Variants in TRPM2 observed in about 807,000 individuals in gnomAD.
The protein encoded by TRPM2 is transient receptor potential cation channel subfamily M member 2, also known as estrogen-responsive element-associated gene 1 protein.
A neutral mutation model predicts 174.0 loss-of-function variants in TRPM2; 161 were observed. That is an observed-to-expected ratio of 0.93 (90% CI 0.81 to 1.05). TRPM2 has a LOEUF of 1.05. Among genes scored for constraint, TRPM2 ranks in the 50% least tolerant of loss-of-function variants. The pLI is 0.00. For missense variants in TRPM2, 2,057 were observed against 2,038.0 expected, an observed-to-expected ratio of 1.01 and a Z score of -0.18; for synonymous variants, 954 against 861.3, an observed-to-expected ratio of 1.11 and a Z score of -1.88.
In TRPM2 at chr21:44,441,829, G is replaced by T. The variant is rs368244125; in HGVS notation, c.*12G>T. The T allele has an allele frequency of 2.5e-6, 4 of 1,595,268 alleles. No individual in the cohort carries two copies. The highest frequency in any genetic ancestry group is 2.6e-6 in the Non-Finnish European group (3 of 1,170,770). On this transcript the variant is annotated 3_prime_UTR_variant, in exon 32 of 32. Transcript: ENST00000397928. ...GGGCTCACTACTGACTGTGCCCTCA[G>T]GCTGGGCGGCTCCAGTCCATAGACG...
At chr21:44,425,105 C>A in intron 24 of TRPM2, 166 bp downstream of exon 24, 1 of 633,778 alleles carries the variant, frequency 1.6e-6, no homozygotes, top group Non-Finnish European at 2.7e-6. Flanking sequence ...ACTCAGCCCA[C>A]CCACCGACGC....
chr21:44,424,221 G>A (rs917148358), intron 23 of TRPM2, among the ~76,000 whole-genome samples: 1 of 152,220 alleles, frequency 6.6e-6, no homozygotes, highest in African/African-American at 2.4e-5. Flanking sequence ...GGATGGCTCA[G>A]CCACCCTGTG....
intron 28 of TRPM2, 30 bp from the exon 29 acceptor site, chr21:44,437,032 C>T (rs1314110122): frequency 1.7e-5 from 26 of 1,545,188 alleles, no homozygotes; most frequent in Non-Finnish European, 2.0e-5. Context: ...CGCAGCGGGT[C>T]CTGGGCAGCC....
chr21:44,391,354 T>A lies in TRPM2; in HGVS notation c.1523T>A (p.Val508Glu). ...EFVKLFLENG[V>E]QLKEFVTWDT... ...GTGAAGCTCTTCCTGGAGAACGGGGTGCAGCTGAAGGAGTTTGTCACCTGG... is the reference window on the plus strand; with the variant it reads ...GTGAAGCTCTTCCTGGAGAACGGGGAGCAGCTGAAGGAGTTTGTCACCTGG... The change falls in exon 11 of 32, where the codon GTG becomes GAG. Residue 508 changes from valine (V) to glutamate (E), a missense_variant. Transcript: ENST00000397928. The surrounding 1 kb of genome is among the most constrained non-coding windows in gnomAD (Gnocchi z 5.0). 1 of 1,614,116 alleles carries A rather than the reference T, an allele frequency of 6.2e-7. No individual in the cohort carries two copies. The highest frequency in any genetic ancestry group is 1.1e-5 in the South Asian group (1 of 91,086).
intron 16 of TRPM2, among the ~76,000 whole-genome samples, chr21:44,404,216 C>T (rs577797463): frequency 1.3e-5 from 2 of 151,900 alleles, no homozygotes; most frequent in South Asian, 2.1e-4. Flanking sequence ...CACAGAGACA[C>T]ACAGATACAC....
intron 4 of TRPM2, 76 bp from the exon 5 acceptor site, chr21:44,369,101 G>T: frequency 7.0e-7 from 1 of 1,418,706 alleles, no homozygotes; most frequent in Non-Finnish European, 9.3e-7. Context: ...AGCCTAGAAG[G>T]GCTCAGGCGT....
At chr21:44,357,638 C>T (rs924729312) in intron 2 of TRPM2, among the ~76,000 whole-genome samples, 2 of 152,218 alleles carry the variant, frequency 1.3e-5, no homozygotes, top group Non-Finnish European at 2.9e-5. Context: ...GCGCTGGCCA[C>T]GTGGGCCCCT....
rs2051394037 is a variant in TRPM2 at position 44,439,153 on chromosome 21, G to A, written c.4254G>A (p.Leu1418=). The A allele has an allele frequency of 6.2e-7, 1 of 1,613,664 alleles. No homozygotes were observed. Among genetic ancestry groups the A allele is most frequent in the East Asian group, 2.2e-5 (1 of 44,860 alleles). The change falls in exon 30 of 32, where the codon CTG becomes CTA. Residue 1418 remains leucine, a synonymous_variant. Transcript: ENST00000397928. This position sits in a 1 kb window ranked among gnomAD's most constrained non-coding sequence, Gnocchi z 5.1. ...ACTGGCCGTCTTTTGAAAACTTGCT[G>A]AAGTGCGGCATGGAGGTATTCCTGG... ...QEHWPSFENL[L]KCGMEVYKGY...
intron 8 of TRPM2, among the ~76,000 whole-genome samples, chr21:44,379,398 G>A (rs1472219873): frequency 2.0e-5 from 3 of 152,346 alleles, no homozygotes; most frequent in African/African-American, 4.8e-5. Flanking sequence ...AAGACAGCAT[G>A]TGAAAGGAGG....
At chr21:44,382,583 G>A (rs2048913544) in intron 8 of TRPM2, 135 bp from the exon 9 acceptor site, 3 of 704,532 alleles carry the variant, frequency 4.3e-6, no homozygotes, top group Non-Finnish European at 7.5e-6. Context: ...AAGAGGAGAT[G>A]TGGTGGTGTC....
intron 24 of TRPM2, chr21:44,425,347 G>C: frequency 7.4e-6 from 3 of 404,774 alleles, no homozygotes; most frequent in Admixed American, 4.1e-5. Context: ...AGCCTTCCTC[G>C]GGCTGCTGAG....
intron 23 of TRPM2, 45 bp from the exon 24 acceptor site, chr21:44,424,807 G>A (rs781008219): frequency 5.5e-5 from 78 of 1,413,842 alleles, no homozygotes; most frequent in Non-Finnish European, 6.8e-5. Flanking sequence ...TGTACCATGC[G>A]TGTGGGTGGC....
intron 11 of TRPM2, among the ~76,000 whole-genome samples, chr21:44,392,602 C>G (rs1602202354): frequency 6.6e-6 from 1 of 152,086 alleles, no homozygotes; most frequent in Non-Finnish European, 1.5e-5. Flanking sequence ...CACCTATCCA[C>G]TTAGGAACCC....
At chr21:44,397,429 G>A (rs1045686333) in intron 12 of TRPM2, among the ~76,000 whole-genome samples, 3 of 152,150 alleles carry the variant, frequency 2.0e-5, no homozygotes, top group African/African-American at 2.4e-5. Flanking sequence ...CGCACAGGCC[G>A]GGTGGTGCCG....
chr21:44,361,843 G>A (rs1569014464), intron 2 of TRPM2, among the ~76,000 whole-genome samples: 1 of 152,070 alleles, frequency 6.6e-6, no homozygotes, highest in Non-Finnish European at 1.5e-5. Flanking sequence ...TGAATAGCTG[G>A]GACTACAGAC....
intron 19 of TRPM2, 49 bp downstream of exon 19, chr21:44,406,814 G>A: frequency 1.3e-6 from 2 of 1,555,988 alleles, no homozygotes; most frequent in Non-Finnish European, 1.7e-6. Flanking sequence ...CGGGAAGCAG[G>A]AGAGAGGCTG....
At position 44,399,156 on chromosome 21, in the gene TRPM2, T is replaced by G; in HGVS notation, c.2063-140T>G. 5.2e-6 allele frequency: 6 copies of G among 1,158,796 alleles called. No homozygotes were observed. Among genetic ancestry groups the G allele is most frequent in the Non-Finnish European group, 7.1e-6 (6 of 849,742 alleles). The allele number at this position is 1,158,796 out of a possible 1,614,324, so 71.8% of individuals were successfully genotyped here. ...TCCTCGTCCCTGGGCCTGGGTGTTT[T>G]GAGACACCAGCCCCACATTTGCCCT... On this transcript the variant is annotated intron_variant, in intron 13 of 31. Transcript: ENST00000397928. The surrounding 1 kb of genome is among the most constrained non-coding windows in gnomAD (Gnocchi z 4.6).
intron 22 of TRPM2, chr21:44,423,347 G>A: frequency 2.4e-6 from 1 of 410,922 alleles, no homozygotes; most frequent in Non-Finnish European, 4.6e-6. Context: ...TTTGTGACCT[G>A]TCACCTGGCC....
Position 44,425,703 on chromosome 21 carries a change from A to T in TRPM2, c.3671A>T (p.Glu1224Val). 2 of 1,559,784 alleles carry T rather than the reference A, an allele frequency of 1.3e-6. No individual in the cohort carries two copies. Among genetic ancestry groups the T allele is most frequent in the Non-Finnish European group, 1.7e-6 (2 of 1,150,402 alleles). Residue 1224 changes from glutamate (E) to valine (V), a missense_variant, in exon 25 of 32, where the codon GAG becomes GTG. Glu to Val is a moderately radical substitution (Grantham distance 121, BLOSUM62 -2). Coordinates refer to ENST00000397928, the MANE Select transcript of TRPM2 (RefSeq NM_003307.4). ...AAGGCCGCGGAGGAGCCGGATGCTG[A>T]GCCGGGAGGCAGGAAGAAGACGGAG... ...SQKAAEEPDA[E>V]PGGRKKTEEP... is the part of the protein sequence containing the mutation.
Sources: gnomAD v4.1 joint callset for allele counts (sites outside exome capture counted in the v4.1 genomes callset) on GRCh38, gnomAD v4.1.1 for gene constraint, Gnocchi (gnomAD v3.1) non-coding constraint, MANE v1.5 for transcripts, NCBI Gene and HGNC (gene_info 2026-07-23, HGNC 2026-07-21) for gene names.